The following BAIAP2 variants were observed in gnomAD, a reference collection of about 807,000 sequenced individuals.
The protein encoded by BAIAP2 is BAR/IMD domain containing adaptor protein 2, also known as BAR/IMD domain-containing adapter protein 2.
BAIAP2 carries 18 observed loss-of-function variants against 63.0 expected under a neutral mutation model. That is an observed-to-expected ratio of 0.29 (90% CI 0.20 to 0.42). The LOEUF (loss-of-function observed/expected upper bound fraction) is 0.42, where lower values mean the gene tolerates loss of function less well. Among genes scored for constraint, BAIAP2 ranks in the 10% least tolerant of loss-of-function variants. BAIAP2 has a pLI of 1.00. For synonymous variants in BAIAP2, 386 were observed against 307.6 expected (o/e 1.25, Z -2.67); for missense variants, 610 against 734.3 (o/e 0.83, Z 1.96).
At chr17:81,058,350 G>A (rs2049980304) in intron 3 of BAIAP2, among the ~76,000 whole-genome samples, 1 of 152,240 alleles carries the variant, frequency 6.6e-6, no homozygotes, top group South Asian at 2.1e-4. Context: ...GTGGCCCTGA[G>A]GAAGACACCC....
intron 6 of BAIAP2, among the ~76,000 whole-genome samples, chr17:81,088,160 C>T (rs959529558): frequency 4.6e-5 from 7 of 152,082 alleles, no homozygotes; most frequent in Admixed American, 2.6e-4. Context: ...GGGCCATAGC[C>T]GCCTCCGAGC....
chr17:81,068,439 T>A (rs1449307525), intron 3 of BAIAP2, among the ~76,000 whole-genome samples: 68 of 152,338 alleles, frequency 4.5e-4, no homozygotes, highest in Non-Finnish European at 5.9e-5. Flanking sequence ...GCCAGGACCC[T>A]GGTCAGTGCC....
chr17:81,094,357 C>T (rs1432085912), intron 6 of BAIAP2, among the ~76,000 whole-genome samples: 1 of 152,158 alleles, frequency 6.6e-6, no homozygotes, highest in Non-Finnish European at 1.5e-5. Flanking sequence ...CTGTTGGGAC[C>T]TGTTGTTCCT....
chr17:81,044,121 C>G (rs1028827504), intron 1 of BAIAP2, among the ~76,000 whole-genome samples: 10 of 152,210 alleles, frequency 6.6e-5, no homozygotes, highest in Non-Finnish European at 4.4e-5. Context: ...CACCTCCCAC[C>G]TGCCTGACCT....
intron 3 of BAIAP2, among the ~76,000 whole-genome samples, chr17:81,078,331 AGCCGGGCGCTGTGGGTGC>A (rs1218143891): frequency 6.1e-5 from 8 of 131,824 alleles, no homozygotes; most frequent in Non-Finnish European, 6.3e-5. Flanking sequence ...ATTGGGTGGG[AGCCGGGCGCTGTGGGTGC>A]AGGTTCCACC....
intron 3 of BAIAP2, among the ~76,000 whole-genome samples, chr17:81,062,273 A>G (rs2050686938): frequency 6.6e-6 from 1 of 151,716 alleles, no homozygotes; most frequent in South Asian, 2.1e-4. Context: ...TTTTAGAACA[A>G]AAGTATTTAA....
At chr17:81,099,253 C>T (rs59645617) in intron 6 of BAIAP2, among the ~76,000 whole-genome samples, 32,337 of 151,614 alleles carry the variant, frequency 0.21, 3,988 homozygotes, top group East Asian at 0.49. Context: ...TCCCTTGGTG[C>T]ACGCTTATCC....
chr17:81,099,246 C>T (rs1377912561), intron 6 of BAIAP2, among the ~76,000 whole-genome samples: 1 of 151,292 alleles, frequency 6.6e-6, no homozygotes, highest in Non-Finnish European at 1.5e-5. Flanking sequence ...CACGTTCTCC[C>T]TTGGTGCACG....
chr17:81,089,191 G>T (rs2056281503), intron 6 of BAIAP2, among the ~76,000 whole-genome samples: 1 of 152,256 alleles, frequency 6.6e-6, no homozygotes, highest in African/African-American at 2.4e-5. Context: ...CTGTCTGTTT[G>T]CTGCATGTCC....
chr17:81,104,976 A>AGCAGTGATCTCCCCCCAACG, intron 10 of BAIAP2: 1 of 345,538 alleles, frequency 2.9e-6, no homozygotes, highest in Non-Finnish European at 5.4e-6. Flanking sequence ...TCCCCCCAAC[A>AGCAGTGATCTCCCCCCAACG]GCAGGGATCT....
intron 3 of BAIAP2, among the ~76,000 whole-genome samples, chr17:81,081,222 G>A (rs911756272): frequency 2.6e-5 from 4 of 152,218 alleles, no homozygotes; most frequent in South Asian, 2.1e-4. Context: ...CCCAGAGGTC[G>A]TGGTGTCCAT....
Position 81,116,051 on chromosome 17 carries a change from G to T in BAIAP2, c.*212G>T. 5.5e-6 allele frequency: 8 copies of T among 1,461,700 alleles called. No individual in the cohort carries two copies. The highest frequency in any genetic ancestry group is 7.2e-6 in the Non-Finnish European group (8 of 1,110,518). 90.5% of individuals were successfully genotyped at this position (1,461,700 alleles called of 1,614,324 possible). A position where few individuals can be genotyped will look rare whatever the true frequency, so the allele number is the denominator to read the frequency against. On this transcript the variant is annotated 3_prime_UTR_variant, in exon 14 of 14. Transcript: ENST00000428708. ...AGGCCCCTGAAGGGCGAGACCCAGT[G>T]GCTGGGCTGCCCAGGGCTGAGGGGC...
intron 3 of BAIAP2, among the ~76,000 whole-genome samples, chr17:81,070,707 A>G (rs560619274): frequency 6.6e-6 from 1 of 152,190 alleles, no homozygotes; most frequent in South Asian, 2.1e-4. Context: ...CCTGTGTGTC[A>G]CGTAGGGGCC....
At chr17:81,036,960 G>GGGTGAGT (rs1318564367) in intron 1 of BAIAP2, 1 of 1,535,790 alleles carries the variant, frequency 6.5e-7, no homozygotes, top group East Asian at 2.4e-5. Flanking sequence ...AGTTGGCAGG[G>GGGTGAGT]GGTGAGTACA....
At chr17:81,115,694 G>GCAT in intron 13 of BAIAP2, 76 bp from the exon 14 acceptor site, 6 of 1,555,828 alleles carry the variant, frequency 3.9e-6, no homozygotes, top group Non-Finnish European at 5.3e-6. Flanking sequence ...AATCCCTGGG[G>GCAT]CATCGGGCAG....
At chr17:81,077,666 G>A (rs4969374) in intron 3 of BAIAP2, among the ~76,000 whole-genome samples, 35,382 of 152,230 alleles carry the variant, frequency 0.23, 4,320 homozygotes, top group Non-Finnish European at 0.25. Flanking sequence ...TGGGCTTCCC[G>A]CCCGTCCTGA....
chr17:81,114,085 C>T, intron 13 of BAIAP2, among the ~76,000 whole-genome samples: 1 of 151,622 alleles, frequency 6.6e-6, no homozygotes, highest in African/African-American at 2.4e-5. Flanking sequence ...CCACTTCAGC[C>T]CCCCATGGAG....
chr17:81,048,629 A>T (rs1056091236), intron 1 of BAIAP2, among the ~76,000 whole-genome samples: 1 of 152,150 alleles, frequency 6.6e-6, no homozygotes. Context: ...GCAGCTCGCC[A>T]GCCAAAAGGG....
intron 2 of BAIAP2, among the ~76,000 whole-genome samples, chr17:81,054,769 C>CCCCCA (rs1358217562): frequency 1.3e-5 from 2 of 150,560 alleles, no homozygotes; most frequent in Non-Finnish European, 2.9e-5. Flanking sequence ...CTTCCCATCG[C>CCCCCA]CCCCACCCCA....
Sources: gnomAD v4.1 joint callset for allele counts (sites outside exome capture counted in the v4.1 genomes callset) on GRCh38, gnomAD v4.1.1 for gene constraint, MANE v1.5 for transcripts, NCBI Gene and HGNC (gene_info 2026-07-23, HGNC 2026-07-21) for gene names.